LPIN2: variants seen among roughly 807,000 people sequenced by gnomAD.
LPIN2 encodes the protein lipin 2.
A neutral mutation model predicts 111.4 loss-of-function variants in LPIN2; 55 were observed. The observed-to-expected ratio is 0.49, with a 90% CI of 0.40 to 0.62. The LOEUF is 0.62. LPIN2 is among the 20% of genes least tolerant of loss of function. LPIN2 has a pLI of 0.00. For synonymous variants in LPIN2, 425 were observed against 414.0 expected, an observed-to-expected ratio of 1.03 and a Z score of -0.32; for missense variants, 992 against 1,112.1, an observed-to-expected ratio of 0.89 and a Z score of 1.54.
chr18:2,938,554 T>C (rs184231237), intron 6 of LPIN2, among the ~76,000 whole-genome samples: 8 of 152,224 alleles, frequency 5.3e-5, no homozygotes, highest in Admixed American at 4.6e-4. Context: ...AATGTTCTAC[T>C]GTGAAGTTAT....
At chr18:2,982,485 G>A (rs1270155975) in intron 1 of LPIN2, among the ~76,000 whole-genome samples, 1 of 152,136 alleles carries the variant, frequency 6.6e-6, no homozygotes, top group Non-Finnish European at 1.5e-5. Context: ...CAGGAGGGCA[G>A]GTAGCCAAAG....
intron 1 of LPIN2, among the ~76,000 whole-genome samples, chr18:2,964,824 A>C (rs916822096): frequency 6.6e-6 from 1 of 152,378 alleles, no homozygotes; most frequent in South Asian, 2.1e-4. Context: ...ACTGAATATT[A>C]CCACGCTCTT....
intron 2 of LPIN2, among the ~76,000 whole-genome samples, chr18:2,958,406 C>A (rs2077657373): frequency 1.3e-5 from 2 of 151,956 alleles, no homozygotes; most frequent in Admixed American, 6.6e-5. Flanking sequence ...ATTTCAAATT[C>A]ACTTCATAGG....
At chr18:2,986,807 AAG>A (rs1197914829) in intron 1 of LPIN2, among the ~76,000 whole-genome samples, 1 of 152,206 alleles carries the variant, frequency 6.6e-6, no homozygotes, top group Non-Finnish European at 1.5e-5. Flanking sequence ...TCTGAACATT[AAG>A]AGAGTAAAGC....
At position 2,948,868 on chromosome 18, in the gene LPIN2, C is replaced by T. The variant is rs1210637440; in HGVS notation, c.590+2187G>A. On this transcript the variant is annotated intron_variant, in intron 4 of 19. Transcript: ENST00000677752. Reference sequence around the variant, plus strand: ...TTGCTCTGTCACCTGGGCTGGAGGGCAGTGGTGTGATCTTGGCTCACTGTA... The same window carrying T: ...TTGCTCTGTCACCTGGGCTGGAGGGTAGTGGTGTGATCTTGGCTCACTGTA... Among the ~76,000 whole-genome samples the T allele has an allele frequency of 2.0e-5, 3 of 151,166 alleles. No individual in the cohort carries two copies. In the East Asian group the frequency reaches 5.8e-4, roughly 29 times the overall value.
At chr18:2,970,521 G>A (rs890341127) in intron 1 of LPIN2, among the ~76,000 whole-genome samples, 6 of 152,218 alleles carry the variant, frequency 3.9e-5, no homozygotes, top group East Asian at 1.9e-4. Flanking sequence ...CTCTCTGAAC[G>A]ATGAGCCAGT....
rs2077258116 is a variant in LPIN2, at chr18:2,934,504, C to G, written c.1169-54G>C. 5.3e-6 allele frequency: 6 copies of G among 1,123,454 alleles called. No homozygotes were observed. In the East Asian group the frequency reaches 1.4e-4, roughly 27 times the overall value. The allele number at this position is 1,123,454 out of a possible 1,614,324, so 69.6% of individuals were successfully genotyped here. A position where few individuals can be genotyped will look rare whatever the true frequency, so the allele number is the denominator to read the frequency against. ...ATTTAGTTATTCTTCATTTACAGCTCTGCAAAACACACGCACGTTTGCAAA... is the reference window on the plus strand; with the variant it reads ...ATTTAGTTATTCTTCATTTACAGCTGTGCAAAACACACGCACGTTTGCAAA... On this transcript the variant is annotated intron_variant, in intron 7 of 19. Coordinates refer to ENST00000677752, the MANE Select transcript of LPIN2 (RefSeq NM_001375808.2).
chr18:2,924,562 A>C lies in LPIN2; in HGVS notation c.1939-16T>G. The C allele has an allele frequency of 6.2e-7, 1 of 1,613,684 alleles. No individual in the cohort carries two copies. The highest frequency in any genetic ancestry group is 8.5e-7 in the Non-Finnish European group (1 of 1,179,536). On this transcript the variant is annotated splice_polypyrimidine_tract_variant and intron_variant, in intron 14 of 19. Coordinates refer to ENST00000677752, the MANE Select transcript of LPIN2 (RefSeq NM_001375808.2). Reference sequence around the variant, plus strand: ...TCAGTTTTGCCTTTTAAAAAAGCATAAGAATAAAGAAAATCAGCTGAAAAC... The same window carrying C: ...TCAGTTTTGCCTTTTAAAAAAGCATCAGAATAAAGAAAATCAGCTGAAAAC...
chr18:2,946,418 C>A (rs527455696), intron 4 of LPIN2: 34 of 1,463,224 alleles, frequency 2.3e-5, no homozygotes, highest in Non-Finnish European at 8.6e-6. Flanking sequence ...ACAGCAAGAC[C>A]AACCCTTTAA....
chr18:2,956,569 T>C (rs1387658234), intron 2 of LPIN2, among the ~76,000 whole-genome samples: 1 of 152,192 alleles, frequency 6.6e-6, no homozygotes. Context: ...GTTCAAAAAC[T>C]GATGGGAGCA....
intron 1 of LPIN2, among the ~76,000 whole-genome samples, chr18:2,964,455 T>C (rs907210000): frequency 2.0e-5 from 3 of 152,076 alleles, no homozygotes; most frequent in African/African-American, 4.8e-5. Flanking sequence ...TGAGGTCACA[T>C]GGGTGGAGCC....
intron 1 of LPIN2, among the ~76,000 whole-genome samples, chr18:2,992,417 A>T (rs1023805686): frequency 6.6e-6 from 1 of 152,224 alleles, no homozygotes; most frequent in Non-Finnish European, 1.5e-5. Flanking sequence ...GGAAATGGAG[A>T]GTTATTGCTT....
intron 2 of LPIN2, among the ~76,000 whole-genome samples, chr18:2,957,781 T>C (rs1418364764): frequency 6.6e-6 from 1 of 152,208 alleles, no homozygotes; most frequent in Non-Finnish European, 1.5e-5. Context: ...GCAAGCTTTT[T>C]TGCCTAAGCT....
rs138375840 is a variant in LPIN2 at position 2,943,895 on chromosome 18, T to C, written c.591-3183A>G. Among the ~76,000 whole-genome samples, 417 of 152,320 alleles carry C rather than the reference T, an allele frequency of 2.7e-3. 3 individuals are homozygous for C. The highest frequency in any genetic ancestry group is 0.024 in the Middle Eastern group (7 of 294). On this transcript the variant is annotated intron_variant, in intron 4 of 19. Coordinates refer to ENST00000677752, the MANE Select transcript of LPIN2 (RefSeq NM_001375808.2). Reference sequence around the variant, plus strand: ...CAACTAAGTTATTTGCTAATGGTAGTAGAATGATATATATGCTTTATTAAC... The same window carrying C: ...CAACTAAGTTATTTGCTAATGGTAGCAGAATGATATATATGCTTTATTAAC...
At position 2,920,089 on chromosome 18, in the gene LPIN2, T is replaced by C; in HGVS notation, c.*204A>G. 1.5e-6 allele frequency: 1 copy of C among 649,930 alleles called. No individual in the cohort carries two copies. The highest frequency in any genetic ancestry group is 2.7e-6 in the Non-Finnish European group (1 of 374,546). 40.3% of individuals were successfully genotyped at this position (649,930 alleles called of 1,614,324 possible). A position where few individuals can be genotyped will look rare whatever the true frequency, so the allele number is the denominator to read the frequency against. ...GGCCTCCAGCCCCAGGCCCAGTTCC[T>C]CCCTTCTCCTTCCAGGAGCTGAGCT... On this transcript the variant is annotated 3_prime_UTR_variant, in exon 20 of 20. Coordinates refer to ENST00000677752, the MANE Select transcript of LPIN2 (RefSeq NM_001375808.2).
At chr18:2,926,618 G>A in intron 13 of LPIN2, 105 bp downstream of exon 13, 1 of 924,228 alleles carries the variant, frequency 1.1e-6, no homozygotes. Context: ...AGTATCTGCA[G>A]AAGATACTCC....
At chr18:2,981,221 G>A (rs976925943) in intron 1 of LPIN2, among the ~76,000 whole-genome samples, 1 of 152,156 alleles carries the variant, frequency 6.6e-6, no homozygotes, top group African/African-American at 2.4e-5. Context: ...AGAAGGCCTG[G>A]ACCCTGAAAA....
intron 2 of LPIN2, among the ~76,000 whole-genome samples, chr18:2,956,501 G>A (rs1448643904): frequency 2.0e-5 from 3 of 152,174 alleles, no homozygotes; most frequent in African/African-American, 7.2e-5. Context: ...ATTAATGCCA[G>A]AGCTGAGGCA....
intron 2 of LPIN2, 81 bp downstream of exon 2, chr18:2,960,568 G>GACT: frequency 7.3e-7 from 1 of 1,374,090 alleles, no homozygotes; most frequent in East Asian, 2.3e-5. Flanking sequence ...CATAGAGGAT[G>GACT]ACTTTTCTAC....
Sources: allele counts gnomAD v4.1 joint callset (sites outside exome capture counted in the v4.1 genomes callset), GRCh38; gene constraint gnomAD v4.1.1; transcripts MANE v1.5; gene names NCBI Gene and HGNC (gene_info 2026-07-23, HGNC 2026-07-21).